KCNG3: variants seen among roughly 807,000 people sequenced by gnomAD.
The protein encoded by KCNG3 is voltage-gated potassium channel regulatory subunit KCNG3.
Under a neutral mutation model 29.0 loss-of-function variants are expected in KCNG3, and 15 were observed. The observed-to-expected ratio is 0.52, with a 90% CI of 0.35 to 0.80. KCNG3 has a LOEUF of 0.80. Among genes scored for constraint, KCNG3 ranks in the 30% least tolerant of loss-of-function variants. The pLI is 0.01. For synonymous variants in KCNG3, 322 were observed against 248.9 expected (o/e 1.29, Z -2.76); for missense variants, 512 against 605.7 (o/e 0.85, Z 1.62).
chr2:42,493,085 C>G lies in KCNG3; in HGVS notation c.417G>C (p.Glu139Asp). ...CCGCCTCGGCCCCGCCGGGGCGCGC[C>G]TCGTCGCGGCCCAGCACGCCCGGCT... ...ADEPGVLGRD[E>D]ARPGGAEAAP... Residue 139 changes from glutamate (E) to aspartate (D), a missense_variant, in exon 1 of 2, where the codon GAG becomes GAC. By Grantham distance (45) the Glu-to-Asp change is conservative (BLOSUM62 2). Transcript: ENST00000306078. The G allele has an allele frequency of 1.3e-6, 2 of 1,563,536 alleles. No individual in the cohort carries two copies. Among genetic ancestry groups the G allele is most frequent in the Non-Finnish European group, 1.7e-6 (2 of 1,159,490 alleles).
chr2:42,410,414 A>G, the KCNG3 span, among the ~76,000 whole-genome samples: 5 of 152,154 alleles, frequency 3.3e-5, no homozygotes, highest in Non-Finnish European at 7.4e-5. Context: ...ACAATTTATA[A>G]TCCCATCCAC....
At chr2:42,461,006 A>G (rs1462243267) in intron 1 of KCNG3, among the ~76,000 whole-genome samples, 1 of 151,756 alleles carries the variant, frequency 6.6e-6, no homozygotes, top group Non-Finnish European at 1.5e-5. Context: ...CTAAAAATAC[A>G]AAAAATTAGC....
chr2:42,417,486 A>C, the KCNG3 span, among the ~76,000 whole-genome samples: 6 of 151,858 alleles, frequency 4.0e-5, no homozygotes, highest in South Asian at 1.0e-3. Context: ...ACACTTGGCT[A>C]ATTTTTGTAT....
At chr2:42,472,938 G>C (rs1256054187) in intron 1 of KCNG3, among the ~76,000 whole-genome samples, 2 of 129,434 alleles carry the variant, frequency 1.5e-5, no homozygotes, top group African/African-American at 5.9e-5. Context: ...GTCTCGCTCT[G>C]TTGCCCAGGC....
rs1425941423 is a variant in KCNG3, at chr2:42,443,810, T to C, written c.*124A>G. ...GTTTTATCCCTTCGGCTGGGAAGGA[T>C]AATTTTTACCCTACCAAGATGATGA... On this transcript the variant is annotated 3_prime_UTR_variant, in exon 2 of 2. Transcript: ENST00000306078. 5.5e-6 allele frequency: 5 copies of C among 908,130 alleles called. No homozygotes were observed. The East Asian group carries it at 1.0e-4, about 18-fold the overall frequency. The allele number at this position is 908,130 out of a possible 1,614,324, so 56.3% of individuals were successfully genotyped here.
Position 42,443,893 on chromosome 2 carries a change from G to A in KCNG3, c.*41C>T. On this transcript the variant is annotated 3_prime_UTR_variant, in exon 2 of 2. Coordinates refer to ENST00000306078, the MANE Select transcript of KCNG3 (RefSeq NM_133329.6). Reference sequence around the variant, plus strand: ...CACATAAATATGAAGCAGCATCAAAGTCTTTCTATGAAGTGTATGCAAGAA... The same window carrying A: ...CACATAAATATGAAGCAGCATCAAAATCTTTCTATGAAGTGTATGCAAGAA... The A allele has an allele frequency of 6.5e-7, 1 of 1,539,840 alleles. No individual in the cohort carries two copies.
At chr2:42,467,658 ACT>A (rs1243820640) in intron 1 of KCNG3, among the ~76,000 whole-genome samples, 2 of 144,264 alleles carry the variant, frequency 1.4e-5, no homozygotes, top group African/African-American at 2.6e-5. Context: ...ACAGAGTGAG[ACT>A]CTGTTTCAAA....
chr2:42,424,927 C>T, the KCNG3 span: 1 of 152,262 alleles, frequency 6.6e-6, no homozygotes, highest in Non-Finnish European at 1.5e-5. Flanking sequence ...ATCTACTTCT[C>T]CGCCCTCAGA....
chr2:42,463,795 G>T, intron 1 of KCNG3: 1 of 205,842 alleles, frequency 4.9e-6, no homozygotes, highest in Admixed American at 5.9e-5. Flanking sequence ...TAACTGTCAG[G>T]CCATATCTGG....
intron 1 of KCNG3, among the ~76,000 whole-genome samples, chr2:42,476,360 T>C (rs956705450): frequency 6.6e-6 from 1 of 151,818 alleles, no homozygotes; most frequent in East Asian, 1.9e-4. Flanking sequence ...GCCTGGAATC[T>C]CAGCTACTTG....
chr2:42,462,595 T>A (rs1432903247), intron 1 of KCNG3, among the ~76,000 whole-genome samples: 3 of 152,106 alleles, frequency 2.0e-5, no homozygotes, highest in Non-Finnish European at 4.4e-5. Context: ...GGCACGAGAA[T>A]CACTTGAACC....
Position 42,444,032 on chromosome 2 carries a change from T to C in KCNG3, c.1213A>G (p.Ile405Val), listed in dbSNP as rs2103659943. The C allele has an allele frequency of 1.2e-6, 2 of 1,614,190 alleles. No individual in the cohort carries two copies. Among genetic ancestry groups the C allele is most frequent in the East Asian group, 2.2e-5 (1 of 44,888 alleles). The stretch of plus-strand genomic sequence containing the variant: ...ACAAAGCTATGGTAGATAAAAGTGA[T>C]AGGTAATGCCAATAGAACAATTCCA... ...VSGIVLLALP[I>V]TFIYHSFVQC... The change falls in exon 2 of 2, where the codon ATC (isoleucine) becomes GTC (valine). Residue 405 changes from isoleucine (I) to valine (V), a missense_variant. Ile to Val is a conservative substitution (Grantham distance 29, BLOSUM62 3). This residue lies in a region of KCNG3 where 173 missense variants were observed against 262.4 expected (regional missense o/e 0.66). Coordinates refer to ENST00000306078, the MANE Select transcript of KCNG3 (RefSeq NM_133329.6). This position sits in a 1 kb window ranked among gnomAD's most constrained non-coding sequence, Gnocchi z 5.8.
At chr2:42,471,677 C>T (rs1164059283) in intron 1 of KCNG3, among the ~76,000 whole-genome samples, 2 of 151,788 alleles carry the variant, frequency 1.3e-5, no homozygotes, top group African/African-American at 4.8e-5. Context: ...ATGAGCAATA[C>T]AAACAACATG....
At chr2:42,392,294 C>G in the KCNG3 span, among the ~76,000 whole-genome samples, 2 of 152,194 alleles carry the variant, frequency 1.3e-5, no homozygotes, top group South Asian at 4.2e-4. Flanking sequence ...GTCACCTGGT[C>G]CCTTCCTCTA....
chr2:42,490,703 A>G lies in KCNG3; in HGVS notation c.665+2134T>C, dbSNP rs146351753. The stretch of plus-strand genomic sequence containing the variant: ...TTGCAAACTATGATGGAGTAAGTCA[A>G]GATCGGCAGGTTGTCATCAAACTGT... On this transcript the variant is annotated intron_variant, in intron 1 of 1. Coordinates refer to ENST00000306078, the MANE Select transcript of KCNG3 (RefSeq NM_133329.6). Among the ~76,000 whole-genome samples, 17 of 152,382 alleles carry G rather than the reference A, an allele frequency of 1.1e-4. No individual in the cohort carries two copies. The East Asian group carries it at 3.3e-3, about 29-fold the overall frequency.
At chr2:42,447,103 G>C (rs183305174) in intron 1 of KCNG3, among the ~76,000 whole-genome samples, 1 of 151,098 alleles carries the variant, frequency 6.6e-6, no homozygotes, top group East Asian at 1.9e-4. Context: ...AAGGGATGAG[G>C]AAGGGGAAGG....
chr2:42,411,525 C>T, the KCNG3 span, among the ~76,000 whole-genome samples: 1 of 152,086 alleles, frequency 6.6e-6, no homozygotes, highest in Admixed American at 6.6e-5. Context: ...CTCTGTCACC[C>T]AGGCTGGAGT....
At chr2:42,486,563 C>A (rs1328446831) in intron 1 of KCNG3, among the ~76,000 whole-genome samples, 2 of 152,254 alleles carry the variant, frequency 1.3e-5, no homozygotes, top group African/African-American at 4.8e-5. Context: ...ACCTCATCTA[C>A]CCTTGGACAA....
chr2:42,477,216 T>G (rs1673449828), intron 1 of KCNG3, among the ~76,000 whole-genome samples: 1 of 145,030 alleles, frequency 6.9e-6, no homozygotes, highest in Non-Finnish European at 1.5e-5. Flanking sequence ...AAAAAAAAAG[T>G]ACTGATTAAA....
Sources: gnomAD v4.1 joint callset for allele counts (sites outside exome capture counted in the v4.1 genomes callset) on GRCh38, gnomAD v4.1.1 for gene constraint, gnomAD v4.1.1 regional missense constraint, Gnocchi (gnomAD v3.1) non-coding constraint, MANE v1.5 for transcripts, NCBI Gene and HGNC (gene_info 2026-07-23, HGNC 2026-07-21) for gene names.